Variants in FKBP15 observed in about 807,000 individuals in gnomAD.
FKBP15 encodes the protein FK506-binding protein 15.
FKBP15 carries 106 observed loss-of-function variants against 158.1 expected under a neutral mutation model. The observed-to-expected ratio is 0.67, with a 90% CI of 0.57 to 0.79. FKBP15 has a LOEUF of 0.79. Ranked by LOEUF, FKBP15 falls within the 30% of genes least tolerant of loss-of-function variation. The probability of loss-of-function intolerance (pLI) is 0.00; values close to 1 mark genes in which losing one functional copy is unlikely to be tolerated. For synonymous variants in FKBP15, 547 were observed against 548.6 expected (o/e 1.00, Z 0.04); for missense variants, 1,287 against 1,479.1 (o/e 0.87, Z 2.13).
At chr9:113,205,385 T>A (rs184246227) in intron 4 of FKBP15, among the ~76,000 whole-genome samples, 28 of 152,132 alleles carry the variant, frequency 1.8e-4, no homozygotes, top group African/African-American at 6.7e-4. Flanking sequence ...CCACAGAAAA[T>A]ACATGAATGG....
At chr9:113,195,940 A>C (rs990578897) in intron 9 of FKBP15, among the ~76,000 whole-genome samples, 1 of 152,180 alleles carries the variant, frequency 6.6e-6, no homozygotes, top group Non-Finnish European at 1.5e-5. Context: ...TTTTCTATGA[A>C]TATATGAGCA....
At chr9:113,215,813 C>G (rs1022702274) in intron 1 of FKBP15, among the ~76,000 whole-genome samples, 1 of 150,846 alleles carries the variant, frequency 6.6e-6, no homozygotes, top group African/African-American at 2.4e-5. Context: ...CCATGCCCTG[C>G]TAATTTCTGT....
intron 1 of FKBP15, among the ~76,000 whole-genome samples, chr9:113,217,206 T>TTG (rs1831154993): frequency 7.1e-6 from 1 of 140,744 alleles, no homozygotes; most frequent in African/African-American, 2.7e-5. Flanking sequence ...GCCCAGTTTT[T>TTG]TTTTTTTTTT....
At chr9:113,201,505 A>C (rs1830791848) in intron 6 of FKBP15, among the ~76,000 whole-genome samples, 1 of 152,148 alleles carries the variant, frequency 6.6e-6, no homozygotes, top group Non-Finnish European at 1.5e-5. Context: ...CAGTATTAGG[A>C]GGTGGGGCCT....
intron 21 of FKBP15, among the ~76,000 whole-genome samples, chr9:113,176,188 G>A (rs570413397): frequency 3.2e-4 from 48 of 152,260 alleles, no homozygotes; most frequent in African/African-American, 1.1e-3. Flanking sequence ...AGTTAACTAC[G>A]AGTGAGAAAG....
In FKBP15 at chr9:113,164,780, G is replaced by A; in HGVS notation, c.*1298C>T. ...TGGGCAAATTACTTTACCTCTCTAA[G>A]TCTCAGTTTTCTCCTCTATAAAATG... On this transcript the variant is annotated 3_prime_UTR_variant, in exon 28 of 28. Transcript: ENST00000238256. 1 of 152,184 alleles carries A rather than the reference G, an allele frequency of 6.6e-6. No homozygotes were observed. The highest frequency in any genetic ancestry group is 1.5e-5 in the Non-Finnish European group (1 of 68,048). 9.4% of individuals were successfully genotyped at this position (152,184 alleles called of 1,614,324 possible). A position where few individuals can be genotyped will look rare whatever the true frequency, so the allele number is the denominator to read the frequency against.
At chr9:113,217,833 C>G (rs1031898073) in intron 1 of FKBP15, among the ~76,000 whole-genome samples, 34 of 151,928 alleles carry the variant, frequency 2.2e-4, no homozygotes, top group Non-Finnish European at 4.6e-4. Context: ...AGAGAAAAAC[C>G]CTGTCTCAAA....
intron 26 of FKBP15, 145 bp from the exon 27 acceptor site, chr9:113,168,701 A>G: frequency 1.4e-6 from 1 of 699,270 alleles, no homozygotes; most frequent in Non-Finnish European, 2.4e-6. Flanking sequence ...CGCTGCCACC[A>G]TCTCTTCCCA....
intron 11 of FKBP15, among the ~76,000 whole-genome samples, chr9:113,191,491 G>A (rs185897823): frequency 2.6e-5 from 4 of 151,512 alleles, no homozygotes; most frequent in East Asian, 1.9e-4. Context: ...TTATTTTTTC[G>A]TAACTGATGA....
intron 19 of FKBP15, among the ~76,000 whole-genome samples, chr9:113,179,552 C>G (rs1210256305): frequency 6.6e-6 from 1 of 151,774 alleles, no homozygotes; most frequent in African/African-American, 2.4e-5. Flanking sequence ...ATCCCAGCTA[C>G]TCGGAGGCTG....
chr9:113,180,401 TG>T (rs1830374869), intron 19 of FKBP15, among the ~76,000 whole-genome samples: 9 of 3,782 alleles, frequency 2.4e-3, no homozygotes, highest in Admixed American at 0.022. Context: ...CAGAAAAAAA[TG>T]TGTGTGTGTG....
chr9:113,219,658 T>C (rs971613531), intron 1 of FKBP15, among the ~76,000 whole-genome samples: 1 of 152,230 alleles, frequency 6.6e-6, no homozygotes, highest in African/African-American at 2.4e-5. Flanking sequence ...ACCAAGAATT[T>C]ATCTCTGGCC....
chr9:113,218,020 T>A (rs555522578), intron 1 of FKBP15, among the ~76,000 whole-genome samples: 5 of 152,056 alleles, frequency 3.3e-5, no homozygotes, highest in South Asian at 4.2e-4. Context: ...TAAAAAAAAA[T>A]GTTAGACAAT....
intron 11 of FKBP15, 34 bp downstream of exon 11, chr9:113,193,458 A>C (rs2118907996): frequency 6.5e-7 from 1 of 1,544,772 alleles, no homozygotes; most frequent in South Asian, 1.2e-5. Context: ...TACAGGTGTG[A>C]ACCACCATGC....
chr9:113,163,063 G>A lies in FKBP15; in HGVS notation c.*3015C>T, dbSNP rs1830042823. ...AAACTTTGAGCTGAAGCCAGCACTT[G>A]CTCCCTGGAGTTCGGAAGCCATTGC... is the stretch of plus-strand genomic sequence containing the variant. On this transcript the variant is annotated 3_prime_UTR_variant, in exon 28 of 28. Transcript: ENST00000238256. The A allele has an allele frequency of 5.5e-6, 4 of 731,232 alleles. No homozygotes were observed. In the African/African-American group the frequency reaches 7.3e-5, roughly 13 times the overall value. 45.3% of individuals were successfully genotyped at this position (731,232 alleles called of 1,614,324 possible). A position where few individuals can be genotyped will look rare whatever the true frequency, so the allele number is the denominator to read the frequency against.
intron 11 of FKBP15, among the ~76,000 whole-genome samples, chr9:113,192,422 G>A (rs1444353814): frequency 6.6e-6 from 1 of 152,180 alleles, no homozygotes; most frequent in African/African-American, 2.4e-5. Context: ...CTGGTCCACA[G>A]GCAGCAAACT....
intron 9 of FKBP15, among the ~76,000 whole-genome samples, chr9:113,196,683 G>A (rs558242721): frequency 7.2e-5 from 11 of 152,060 alleles, no homozygotes; most frequent in Non-Finnish European, 1.0e-4. Flanking sequence ...GCGCCCGGCC[G>A]AAGATGTGAC....
Position 113,173,678 on chromosome 9 carries a change from C to T in FKBP15, c.2380-73G>A, listed in dbSNP as rs1480596483. On this transcript the variant is annotated intron_variant, in intron 22 of 27. Coordinates refer to ENST00000238256, the MANE Select transcript of FKBP15 (RefSeq NM_015258.2). ...GAGATTCCATTGCACCTAGGGAAAC[C>T]CATCTTTCAAAAAGCAAAAGAATAA... The T allele has an allele frequency of 4.0e-6, 6 of 1,498,288 alleles. No individual in the cohort carries two copies. In the African/African-American group the frequency reaches 8.3e-5, roughly 21 times the overall value. 92.8% of individuals were successfully genotyped at this position (1,498,288 alleles called of 1,614,324 possible).
At chr9:113,181,056 G>T (rs10981672) in intron 19 of FKBP15, among the ~76,000 whole-genome samples, 1 of 152,014 alleles carries the variant, frequency 6.6e-6, no homozygotes, top group Non-Finnish European at 1.5e-5. Flanking sequence ...AAATAAAGAT[G>T]ATCAAGTAAA....
Sources: gnomAD v4.1 joint callset for allele counts (sites outside exome capture counted in the v4.1 genomes callset) on GRCh38, gnomAD v4.1.1 for gene constraint, MANE v1.5 for transcripts, NCBI Gene and HGNC (gene_info 2026-07-23, HGNC 2026-07-21) for gene names.